BRINP2: variants seen among roughly 807,000 people sequenced by gnomAD.
The protein encoded by BRINP2 is BMP/retinoic acid-inducible neural-specific protein 2.
BRINP2 carries 21 observed loss-of-function variants against 69.2 expected under a neutral mutation model. The observed-to-expected ratio is 0.30, with a 90% CI of 0.22 to 0.44. The LOEUF is 0.44. Among genes scored for constraint, BRINP2 ranks in the 20% least tolerant of loss-of-function variants. BRINP2 has a pLI of 1.00. For synonymous variants in BRINP2, 380 were observed against 394.1 expected, an observed-to-expected ratio of 0.96 and a Z score of 0.42; for missense variants, 877 against 986.0, an observed-to-expected ratio of 0.89 and a Z score of 1.48.
At chr1:177,277,351 A>T (rs1006899280) in intron 6 of BRINP2, among the ~76,000 whole-genome samples, 5 of 152,018 alleles carry the variant, frequency 3.3e-5, no homozygotes, top group Non-Finnish European at 7.4e-5. Context: ...TTACATCTGG[A>T]TAGAGAGAAA....
chr1:177,205,084 GT>G lies in BRINP2; in HGVS notation c.-76-24714del, dbSNP rs1415353342. On this transcript the variant is annotated intron_variant, in intron 1 of 7. Coordinates refer to ENST00000361539, the MANE Select transcript of BRINP2 (RefSeq NM_021165.4). ...TATCATATTATATAATATAAAATGT[GT>G]TTAGGAACGTGTGGGGGAAGTGTCA... Among the ~76,000 whole-genome samples, 3 of 152,212 alleles carry G rather than the reference GT, an allele frequency of 2.0e-5. No homozygotes were observed. The East Asian group carries it at 5.8e-4, about 29-fold the overall frequency.
chr1:177,260,618 C>A (rs1650915777), intron 4 of BRINP2, among the ~76,000 whole-genome samples: 1 of 152,158 alleles, frequency 6.6e-6, no homozygotes, highest in Non-Finnish European at 1.5e-5. Flanking sequence ...CCTTCAGCAA[C>A]CACCACCCTG....
At chr1:177,268,331 A>ACACC (rs1253797220) in intron 4 of BRINP2, among the ~76,000 whole-genome samples, 1 of 152,198 alleles carries the variant, frequency 6.6e-6, no homozygotes, top group Non-Finnish European at 1.5e-5. Context: ...TGGTGCTACG[A>ACACC]CACCTGCCAC....
intron 2 of BRINP2, among the ~76,000 whole-genome samples, chr1:177,236,274 C>T (rs140075906): frequency 3.3e-4 from 51 of 152,306 alleles, no homozygotes; most frequent in African/African-American, 1.1e-3. Context: ...ATCTGGACGA[C>T]GAGCCCAGCA....
At chr1:177,250,617 G>T (rs1033436401) in intron 2 of BRINP2, among the ~76,000 whole-genome samples, 2 of 152,184 alleles carry the variant, frequency 1.3e-5, no homozygotes, top group African/African-American at 4.8e-5. Context: ...GAACCACGGC[G>T]CCCGGCTGCC....
intron 2 of BRINP2, among the ~76,000 whole-genome samples, chr1:177,236,703 G>C (rs1650038177): frequency 6.6e-6 from 1 of 152,166 alleles, no homozygotes; most frequent in South Asian, 2.1e-4. Context: ...CCAGGTGGAG[G>C]CTTGTGGAAT....
intron 2 of BRINP2, among the ~76,000 whole-genome samples, chr1:177,240,977 T>A (rs970076377): frequency 1.5e-4 from 22 of 146,738 alleles, no homozygotes; most frequent in Middle Eastern, 3.6e-3. Flanking sequence ...GAGCCAATAT[T>A]TTTTTTTTTT....
intron 1 of BRINP2, among the ~76,000 whole-genome samples, chr1:177,197,929 T>C (rs565243088): frequency 2.0e-5 from 3 of 152,316 alleles, no homozygotes; most frequent in African/African-American, 4.8e-5. Flanking sequence ...TTTTAAAATA[T>C]GAGTGATGAG....
chr1:177,199,112 C>T (rs1648828846), intron 1 of BRINP2, among the ~76,000 whole-genome samples: 1 of 152,166 alleles, frequency 6.6e-6, no homozygotes, highest in South Asian at 2.1e-4. Flanking sequence ...TCAGGGGAAG[C>T]ATATGTAAAG....
chr1:177,256,565 C>T, intron 3 of BRINP2: 7 of 985,440 alleles, frequency 7.1e-6, no homozygotes, highest in Non-Finnish European at 8.4e-6. Flanking sequence ...GCTGATGAAT[C>T]ATCCTCTTGT....
chr1:177,195,616 C>T (rs1164981026), intron 1 of BRINP2, among the ~76,000 whole-genome samples: 1 of 151,418 alleles, frequency 6.6e-6, no homozygotes, highest in Non-Finnish European at 1.5e-5. Flanking sequence ...TTATTTAACC[C>T]CTCTGGCTCA....
chr1:177,260,999 G>A (rs1650931492), intron 4 of BRINP2, among the ~76,000 whole-genome samples: 1 of 152,206 alleles, frequency 6.6e-6, no homozygotes, highest in Admixed American at 6.5e-5. Flanking sequence ...TGATGGGGAT[G>A]TGGAGTTTAG....
chr1:177,173,357 G>A (rs1647995498), intron 1 of BRINP2, among the ~76,000 whole-genome samples: 2 of 152,258 alleles, frequency 1.3e-5, no homozygotes, highest in South Asian at 4.1e-4. Context: ...GGAAGCAAAT[G>A]TCACACCATA....
intron 1 of BRINP2, among the ~76,000 whole-genome samples, chr1:177,176,450 C>T (rs968883126): frequency 6.6e-6 from 1 of 151,228 alleles, no homozygotes; most frequent in Non-Finnish European, 1.5e-5. Context: ...ATTAGTTTCA[C>T]CCATTTCTTT....
chr1:177,186,392 T>G (rs1435651373), intron 1 of BRINP2, among the ~76,000 whole-genome samples: 1 of 152,094 alleles, frequency 6.6e-6, no homozygotes, highest in Non-Finnish European at 1.5e-5. Context: ...TAATTGCAAT[T>G]TTTTGCTACT....
At chr1:177,200,293 CAAAAAAAAAAAAAAAA>C (rs35619503) in intron 1 of BRINP2, among the ~76,000 whole-genome samples, 13 of 34,812 alleles carry the variant, frequency 3.7e-4, no homozygotes, top group Non-Finnish European at 6.6e-4. Context: ...AACTCTGTCT[CAAAAAAAAAAAAAAAA>C]AAAAAAAAAA....
At chr1:177,227,753 C>T (rs767413711) in intron 1 of BRINP2, among the ~76,000 whole-genome samples, 2 of 152,046 alleles carry the variant, frequency 1.3e-5, no homozygotes, top group Non-Finnish European at 2.9e-5. Context: ...TTCCATCCTC[C>T]ATGCAATTAG....
intron 1 of BRINP2, among the ~76,000 whole-genome samples, chr1:177,178,829 G>T (rs73034422): frequency 0.027 from 4,133 of 152,218 alleles, 204 homozygotes; most frequent in African/African-American, 0.095. Context: ...CAGATAAAAG[G>T]TCTGCCCTCA....
intron 2 of BRINP2, among the ~76,000 whole-genome samples, chr1:177,245,483 T>C (rs1213922574): frequency 6.6e-6 from 1 of 152,234 alleles, no homozygotes; most frequent in Non-Finnish European, 1.5e-5. Context: ...GGGAATTCTC[T>C]GGGAGTCAAG....
Sources: gnomAD v4.1 joint callset for allele counts (sites outside exome capture counted in the v4.1 genomes callset) on GRCh38, gnomAD v4.1.1 for gene constraint, MANE v1.5 for transcripts, NCBI Gene and HGNC (gene_info 2026-07-23, HGNC 2026-07-21) for gene names.